CST7: variants seen among roughly 807,000 people sequenced by gnomAD.
CST7 encodes cystatin-F.
A neutral mutation model predicts 13.1 loss-of-function variants in CST7; 15 were observed. That is an observed-to-expected ratio of 1.14 (90% CI 0.77 to 1.76). The LOEUF (loss-of-function observed/expected upper bound fraction) is 1.76, where lower values mean the gene tolerates loss of function less well. Ranked by LOEUF, CST7 falls within the 40% of genes most tolerant of loss-of-function variation. The pLI, the probability that CST7 is intolerant of heterozygous loss-of-function variation, is 0.00. For synonymous variants in CST7, 75 were observed against 66.9 expected (o/e 1.12, Z -0.59); for missense variants, 193 against 178.8 (o/e 1.08, Z -0.45).
At chr20:24,959,078 T>G in intron 3 of CST7, 34 bp downstream of exon 3, 1 of 1,490,534 alleles carries the variant, frequency 6.7e-7, no homozygotes, top group East Asian at 2.3e-5. Flanking sequence ...AGATGTGCCC[T>G]CTCTTCCCCA....
chr20:24,951,165 C>T lies in CST7; in HGVS notation c.70+1590C>T, dbSNP rs2087816354. ...TTCTCAGCAGACCTGCTGTCAGCCACCAAACCCCAGAGAGAAGCTCCAGAG... is the reference window on the plus strand; with the variant it reads ...TTCTCAGCAGACCTGCTGTCAGCCATCAAACCCCAGAGAGAAGCTCCAGAG... On this transcript the variant is annotated intron_variant, in intron 1 of 3. Coordinates refer to ENST00000480798, the MANE Select transcript of CST7 (RefSeq NM_003650.4). 2.0e-5 allele frequency among the ~76,000 whole-genome samples: 3 copies of T among 152,208 alleles called. 1 individual carries two copies. In the South Asian group the frequency reaches 6.2e-4, roughly 31 times the overall value.
intron 1 of CST7, among the ~76,000 whole-genome samples, chr20:24,953,611 C>T (rs2087834079): frequency 6.6e-6 from 1 of 152,112 alleles, no homozygotes; most frequent in African/African-American, 2.4e-5. Flanking sequence ...AGGCCCTGCC[C>T]GCCCCTGCCT....
At chr20:24,957,000 A>AAG (rs2087859545) in intron 1 of CST7, among the ~76,000 whole-genome samples, 1 of 9,010 alleles carries the variant, frequency 1.1e-4, no homozygotes, top group African/African-American at 5.1e-4. Context: ...GGGACAGGTG[A>AAG]GGGGGCAGGT....
chr20:24,951,274 C>A (rs915620876), intron 1 of CST7, among the ~76,000 whole-genome samples: 9 of 152,224 alleles, frequency 5.9e-5, no homozygotes, highest in Non-Finnish European at 1.0e-4. Context: ...CCGTCTCCGG[C>A]CCTGGGGAGG....
In CST7 at chr20:24,949,522, C is replaced by A. The variant is rs769137909; in HGVS notation, c.17C>A (p.Thr6Asn). The A allele has an allele frequency of 1.9e-6, 3 of 1,614,174 alleles. No homozygotes were observed. The South Asian group carries it at 3.3e-5, about 18-fold the overall frequency. MRAAG[T>N]LLAFCCLVLS... The stretch of plus-strand genomic sequence containing the variant: ...CGGGCAGCCATGCGAGCGGCTGGAA[C>A]TCTGCTGGCCTTCTGCTGCCTGGTC... Residue 6 changes from threonine to asparagine, a missense_variant, in exon 1 of 4, where the codon ACT becomes AAT. Coordinates refer to ENST00000480798, the MANE Select transcript of CST7 (RefSeq NM_003650.4).
chr20:24,951,396 T>C (rs2087817600), intron 1 of CST7, among the ~76,000 whole-genome samples: 1 of 152,192 alleles, frequency 6.6e-6, no homozygotes, highest in Non-Finnish European at 1.5e-5. Context: ...TCTGCCACTG[T>C]GCTGGTGACA....
intron 1 of CST7, among the ~76,000 whole-genome samples, chr20:24,950,762 C>A (rs1244215204): frequency 6.6e-6 from 1 of 152,182 alleles, no homozygotes; most frequent in African/African-American, 2.4e-5. Flanking sequence ...TCACAGGGGC[C>A]TCTCCTCCTG....
At chr20:24,956,637 G>A (rs570515774) in intron 1 of CST7, among the ~76,000 whole-genome samples, 49 of 152,190 alleles carry the variant, frequency 3.2e-4, no homozygotes, top group Non-Finnish European at 4.6e-4. Flanking sequence ...AGGAGGCAGC[G>A]CAGGGGTACC....
Position 24,957,525 on chromosome 20 carries a change from C to G in CST7, c.243+66C>G, listed in dbSNP as rs550424083. 97 of 1,470,842 alleles carry G rather than the reference C, an allele frequency of 6.6e-5. No individual in the cohort carries two copies. In the African/African-American group the frequency reaches 1.1e-3, roughly 17 times the overall value. 91.1% of individuals were successfully genotyped at this position (1,470,842 alleles called of 1,614,324 possible). ...AGGAAGCCGAGCTGCTACAACGCGA[C>G]ACCTAGGAGAGCAGGGCGGATATAA... On this transcript the variant is annotated intron_variant, in intron 2 of 3. Coordinates refer to ENST00000480798, the MANE Select transcript of CST7 (RefSeq NM_003650.4).
intron 2 of CST7, among the ~76,000 whole-genome samples, chr20:24,958,018 C>G (rs944217493): frequency 3.3e-5 from 5 of 152,204 alleles, no homozygotes; most frequent in Non-Finnish European, 7.3e-5. Context: ...TGAGAACACC[C>G]ACTTGCTAAT....
At position 24,959,622 on chromosome 20, in the gene CST7, T is replaced by C; in HGVS notation, c.361-13T>C. On this transcript the variant is annotated splice_polypyrimidine_tract_variant and intron_variant, in intron 3 of 3. Transcript: ENST00000480798. ...AAAGTCTAAGCTCTCAGGTGTGCCC[T>C]TCTCTGTTTCAGACTCTGAGCTGCT... The C allele has an allele frequency of 6.2e-7, 1 of 1,614,010 alleles. No individual in the cohort carries two copies. Among genetic ancestry groups the C allele is most frequent in the South Asian group, 1.1e-5 (1 of 91,080 alleles).
intron 3 of CST7, among the ~76,000 whole-genome samples, 196 bp from the exon 4 acceptor site, chr20:24,959,439 A>G (rs1012875921): frequency 5.3e-5 from 8 of 152,236 alleles, no homozygotes; most frequent in Non-Finnish European, 1.2e-4. Context: ...ACGGGAACAC[A>G]GCAACATTTA....
chr20:24,958,109 C>T (rs2087871332), intron 2 of CST7, among the ~76,000 whole-genome samples: 1 of 152,228 alleles, frequency 6.6e-6, no homozygotes, highest in Non-Finnish European at 1.5e-5. Flanking sequence ...CCAAGGCAGT[C>T]TTCACAGTGT....
rs764589940 is a variant in CST7 at position 24,949,469 on chromosome 20, C to G, written c.-37C>G. The G allele has an allele frequency of 6.2e-7, 1 of 1,613,912 alleles. No individual in the cohort carries two copies. ...TGCCTGAGAAGGCACTGCACGGCCA[C>G]CCCCAACTGCCCCGCACTGTCCCTA... On this transcript the variant is annotated 5_prime_UTR_variant, in exon 1 of 4. Coordinates refer to ENST00000480798, the MANE Select transcript of CST7 (RefSeq NM_003650.4).
In CST7 at chr20:24,952,422, T is replaced by C. The variant is rs186823056; in HGVS notation, c.70+2847T>C. 1.4e-3 allele frequency among the ~76,000 whole-genome samples: 216 copies of C among 152,196 alleles called. 1 individual carries two copies. The highest frequency in any genetic ancestry group is 5.0e-3 in the African/African-American group (206 of 41,498). On this transcript the variant is annotated intron_variant, in intron 1 of 3. Transcript: ENST00000480798. ...CTGTGCCAGGGGCATGTGTGTGCCCTCAAAAGATAGACTCCGCCATTAGCC... is the reference window on the plus strand; with the variant it reads ...CTGTGCCAGGGGCATGTGTGTGCCCCCAAAAGATAGACTCCGCCATTAGCC...
chr20:24,955,106 C>T (rs1477868512), intron 1 of CST7, among the ~76,000 whole-genome samples: 1 of 152,142 alleles, frequency 6.6e-6, no homozygotes, highest in Admixed American at 6.5e-5. Flanking sequence ...CATGCTACCC[C>T]TTCCATACAC....
At chr20:24,957,598 C>A (rs1313109731) in intron 2 of CST7, 139 bp downstream of exon 2, 6 of 856,108 alleles carry the variant, frequency 7.0e-6, no homozygotes, top group African/African-American at 3.4e-5. Flanking sequence ...AGCAGATGCA[C>A]AAGGGGTGGG....
intron 1 of CST7, 99 bp downstream of exon 1, chr20:24,949,674 C>A: frequency 6.8e-7 from 1 of 1,476,420 alleles, no homozygotes; most frequent in Non-Finnish European, 9.2e-7. Flanking sequence ...TAGCTTGGAG[C>A]CCCCACAGGA....
At chr20:24,956,096 A>G (rs1246186429) in intron 1 of CST7, among the ~76,000 whole-genome samples, 1 of 152,152 alleles carries the variant, frequency 6.6e-6, no homozygotes, top group Non-Finnish European at 1.5e-5. Context: ...AAGGCCACAG[A>G]ACTTCCAGTC....
Sources: allele counts gnomAD v4.1 joint callset (sites outside exome capture counted in the v4.1 genomes callset), GRCh38; gene constraint gnomAD v4.1.1; transcripts MANE v1.5; gene names NCBI Gene and HGNC (gene_info 2026-07-23, HGNC 2026-07-21).